The following MOSPD2 variants were observed in gnomAD, a reference collection of about 807,000 sequenced individuals.
MOSPD2 encodes motile sperm domain containing 2.
MOSPD2 carries 5 observed loss-of-function variants against 41.7 expected under a neutral mutation model. The observed-to-expected ratio is 0.12, with a 90% confidence interval of 0.06 to 0.25. MOSPD2 has a LOEUF of 0.25. Ranked by LOEUF, MOSPD2 falls within the 10% of genes least tolerant of loss-of-function variation. MOSPD2 has a pLI of 1.00. For synonymous variants in MOSPD2, 115 were observed against 126.9 expected, an observed-to-expected ratio of 0.91 and a Z score of 0.63; for missense variants, 282 against 375.2, an observed-to-expected ratio of 0.75 and a Z score of 2.05.
At chrX:14,881,518 A>G (rs1481383848) in intron 2 of MOSPD2, among the ~76,000 whole-genome samples, 1 of 111,973 alleles carries the variant, frequency 8.9e-6, no homozygotes, top group Admixed American at 9.5e-5. Flanking sequence ...CTATGTGTCT[A>G]GACTATGAAC....
chrX:14,875,878 T>G (rs1348069533), intron 2 of MOSPD2, among the ~76,000 whole-genome samples: 1 of 112,159 alleles, frequency 8.9e-6, no homozygotes, highest in Non-Finnish European at 1.9e-5. Context: ...ATTATCTTGT[T>G]CATTGGTTTG....
chrX:14,874,151 G>A, intron 2 of MOSPD2: 1 of 167,911 alleles, frequency 6.0e-6, no homozygotes. Flanking sequence ...CTATTGATGT[G>A]TACTTAATTG....
intron 4 of MOSPD2, among the ~76,000 whole-genome samples, chrX:14,896,079 G>A (rs1309967756): frequency 9.1e-6 from 1 of 109,815 alleles, no homozygotes; most frequent in Non-Finnish European, 1.9e-5. Flanking sequence ...TCTTCCACCT[G>A]TCCCTTAAAG....
Position 14,877,592 on chromosome X carries a change from C to T in MOSPD2, c.79+3834C>T, listed in dbSNP as rs1049873483. Reference sequence around the variant, plus strand: ...CCTGACCTCAGGTGATCGCCTGCCTCGGCCTCCCAAAGTGCTGGGATTACA... The same window carrying T: ...CCTGACCTCAGGTGATCGCCTGCCTTGGCCTCCCAAAGTGCTGGGATTACA... On this transcript the variant is annotated intron_variant, in intron 2 of 14. Transcript: ENST00000380492. Among the ~76,000 whole-genome samples, 5 of 109,421 alleles carry T rather than the reference C, an allele frequency of 4.6e-5. No homozygotes were observed. In the South Asian group the frequency reaches 2.0e-3, roughly 43 times the overall value.
rs775035387 is a variant in MOSPD2 at position 14,897,169 on chromosome X, T to C, written c.408T>C (p.Tyr136=). The C allele has an allele frequency of 1.2e-5, 15 of 1,207,686 alleles. No homozygotes were observed. The highest frequency in any genetic ancestry group is 1.6e-5 in the Non-Finnish European group (14 of 893,409). ...KKLIAFWLER[Y]AKRENGKPVT... is the part of the protein sequence containing the mutation. ...TCATAGCATTCTGGTTGGAACGTTA[T>C]GCTAAGAGGGAAAATGGGAAACCTG... Residue 136 remains tyrosine, a synonymous_variant, in exon 5 of 15, where the codon TAT becomes TAC. Coordinates refer to ENST00000380492, the MANE Select transcript of MOSPD2 (RefSeq NM_152581.4).
intron 2 of MOSPD2, among the ~76,000 whole-genome samples, chrX:14,884,982 G>A (rs2092538462): frequency 9.0e-6 from 1 of 111,343 alleles, no homozygotes; most frequent in African/African-American, 3.3e-5. Context: ...CTACAAACAT[G>A]TTGAATGATT....
intron 8 of MOSPD2, 40 bp downstream of exon 8, chrX:14,909,024 A>G (rs2092587129): frequency 1.9e-6 from 2 of 1,068,758 alleles, no homozygotes; most frequent in Non-Finnish European, 2.5e-6. Context: ...ATACTGGATA[A>G]TGGCACATTA....
At chrX:14,893,402 C>T (rs1467394152) in intron 3 of MOSPD2, 2 of 111,648 alleles carry the variant, frequency 1.8e-5, no homozygotes, top group Non-Finnish European at 3.8e-5. Context: ...AGTAGATGTA[C>T]ATATTTTGGG....
chrX:14,899,565 T>TACACACAC (rs59555716), intron 5 of MOSPD2, among the ~76,000 whole-genome samples: 3,819 of 80,958 alleles, frequency 0.047, 117 homozygotes, highest in Middle Eastern at 0.065. Flanking sequence ...ATTATATACA[T>TACACACAC]ACACACACAC....
chrX:14,875,561 T>A (rs1330120107), intron 2 of MOSPD2, among the ~76,000 whole-genome samples: 1 of 112,249 alleles, frequency 8.9e-6, no homozygotes, highest in Non-Finnish European at 1.9e-5. Flanking sequence ...CGATGTATTT[T>A]TTTCTATTTG....
chrX:14,888,206 GCACACACAC>G (rs2092545949), intron 2 of MOSPD2, among the ~76,000 whole-genome samples: 2 of 56,753 alleles, frequency 3.5e-5, no homozygotes, highest in Non-Finnish European at 8.4e-5. Context: ...ACACACACAC[GCACACACAC>G]ACACACACAC....
At chrX:14,911,453 G>A in intron 9 of MOSPD2, 40 bp downstream of exon 9, 1 of 1,009,037 alleles carries the variant, frequency 9.9e-7, no homozygotes, top group Non-Finnish European at 1.3e-6. Context: ...CACAAGATGT[G>A]GTCTATCCCC....
At chrX:14,877,373 G>A (rs753897005) in intron 2 of MOSPD2, among the ~76,000 whole-genome samples, 4 of 110,066 alleles carry the variant, frequency 3.6e-5, no homozygotes, top group Non-Finnish European at 5.7e-5. Flanking sequence ...ACGGAGTTTC[G>A]CTCTTGTTGC....
chrX:14,904,415 C>G (rs1275270324), intron 7 of MOSPD2, among the ~76,000 whole-genome samples: 1 of 111,329 alleles, frequency 9.0e-6, no homozygotes, highest in Non-Finnish European at 1.9e-5. Context: ...AAATCTAGTA[C>G]CCTCTCATGA....
At chrX:14,897,777 G>A (rs1389717520) in intron 5 of MOSPD2, among the ~76,000 whole-genome samples, 1 of 111,705 alleles carries the variant, frequency 9.0e-6, no homozygotes, top group East Asian at 2.8e-4. Context: ...GGTTAGCTTT[G>A]GAAACCAGTT....
chrX:14,891,246 T>G (rs1420752706), intron 2 of MOSPD2, among the ~76,000 whole-genome samples: 1 of 112,111 alleles, frequency 8.9e-6, no homozygotes, highest in African/African-American at 3.2e-5. Context: ...AAAGGAGACT[T>G]GCAGAATGGT....
intron 7 of MOSPD2, among the ~76,000 whole-genome samples, 177 bp downstream of exon 7, chrX:14,903,181 T>C (rs1298934393): frequency 9.0e-6 from 1 of 111,441 alleles, no homozygotes; most frequent in African/African-American, 3.3e-5. Flanking sequence ...TAAAATTTTA[T>C]ACCCAGGATC....
intron 2 of MOSPD2, among the ~76,000 whole-genome samples, chrX:14,889,811 A>C (rs776688638): frequency 1.8e-5 from 2 of 111,850 alleles, no homozygotes; most frequent in South Asian, 7.4e-4. Flanking sequence ...GTGGGCTTTA[A>C]ATTTCTTAGT....
intron 7 of MOSPD2, among the ~76,000 whole-genome samples, chrX:14,904,628 T>C (rs1372875982): frequency 9.0e-6 from 1 of 111,335 alleles, no homozygotes; most frequent in Non-Finnish European, 1.9e-5. Context: ...ACAATTATGG[T>C]TTATTACAGG....
Sources: gnomAD v4.1 joint callset for allele counts (sites outside exome capture counted in the v4.1 genomes callset) on GRCh38, gnomAD v4.1.1 for gene constraint, MANE v1.5 for transcripts, NCBI Gene and HGNC (gene_info 2026-07-23, HGNC 2026-07-21) for gene names.